TFR2: variants seen among roughly 807,000 people sequenced by gnomAD.
TFR2 encodes transferrin receptor protein 2.
In TFR2, 64 loss-of-function variants were observed where a neutral mutation model predicts 91.9. The observed-to-expected ratio is 0.70, with a 90% CI of 0.57 to 0.86. The LOEUF is 0.86. TFR2 is among the 40% of genes least tolerant of loss of function. The pLI is 0.00. For synonymous variants in TFR2, 454 were observed against 459.6 expected (o/e 0.99, Z 0.15); for missense variants, 950 against 1,080.5 (o/e 0.88, Z 1.69).
rs1803463396 is a variant in TFR2 at position 100,632,298 on chromosome 7, C to T, written c.850-100G>A. ...GGCAAGGCCTTTGCTTGCAACTGTC[C>T]ATCCCACGGAGAGGATGTGGGGGCA... On this transcript the variant is annotated intron_variant, in intron 6 of 17. Coordinates refer to ENST00000223051, the MANE Select transcript of TFR2 (RefSeq NM_003227.4). 3.6e-6 allele frequency: 4 copies of T among 1,101,650 alleles called. No individual in the cohort carries two copies. In the East Asian group the frequency reaches 7.1e-5, roughly 20 times the overall value. 68.2% of individuals were successfully genotyped at this position (1,101,650 alleles called of 1,614,324 possible). A position where few individuals can be genotyped will look rare whatever the true frequency, so the allele number is the denominator to read the frequency against.
At chr7:100,636,311 G>A (rs1803570973) in intron 3 of TFR2, among the ~76,000 whole-genome samples, 1 of 151,424 alleles carries the variant, frequency 6.6e-6, no homozygotes, top group Non-Finnish European at 1.5e-5. Flanking sequence ...GAGTAGCTGG[G>A]ATTACAGGCA....
chr7:100,632,371 C>T (rs939237747), intron 6 of TFR2, among the ~76,000 whole-genome samples, 173 bp from the exon 7 acceptor site: 1 of 152,130 alleles, frequency 6.6e-6, no homozygotes, highest in African/African-American at 2.4e-5. Flanking sequence ...AGGCAGCCCT[C>T]AAACCCCACC....
In TFR2 at chr7:100,628,283, G is replaced by A. The variant is rs1258387028; in HGVS notation, c.1414C>T (p.Leu472Phe). 3 of 1,613,790 alleles carry A rather than the reference G, an allele frequency of 1.9e-6. No individual in the cohort carries two copies. Among genetic ancestry groups the A allele is most frequent in the Admixed American group, 3.3e-5 (2 of 59,960 alleles). The change falls in exon 11 of 18, where the codon CTC becomes TTC. Residue 472 changes from leucine (L) to phenylalanine (F), a missense_variant. Transcript: ENST00000223051. ...SNGFRPRRSL[L>F]FISWDGGDFG... ...TCACCACCGTCCCAGCTGATGAAGA[G>A]GAGACTTCTGCGGGGCCGGAAGCCT... is the stretch of plus-strand genomic sequence containing the variant.
At chr7:100,627,031 G>A in intron 16 of TFR2, 128 bp from the exon 17 acceptor site, 1 of 1,408,122 alleles carries the variant, frequency 7.1e-7, no homozygotes, top group South Asian at 1.4e-5. Flanking sequence ...GGAGGAGGTA[G>A]ACGAGGACAG....
chr7:100,634,231 A>G (rs1350538166), intron 3 of TFR2, among the ~76,000 whole-genome samples: 2 of 136,954 alleles, frequency 1.5e-5, no homozygotes, highest in East Asian at 7.1e-4. Context: ...GCACCCAAAC[A>G]CTTTCCTTCG....
chr7:100,633,161 C>T (rs773009043), intron 5 of TFR2, 38 bp from the exon 6 acceptor site: 4 of 1,612,144 alleles, frequency 2.5e-6, no homozygotes, highest in Non-Finnish European at 3.4e-6. Context: ...CTCCCCGCGT[C>T]CCTCCTTCGA....
rs146530042 is a variant in TFR2 at position 100,628,237 on chromosome 7, G to A, written c.1460C>T (p.Thr487Met). Residue 487 changes from threonine (T) to methionine (M), a missense_variant, in exon 11 of 18, where the codon ACG becomes ATG. Physicochemically the swap from Thr to Met is moderately conservative, Grantham distance 81. Coordinates refer to ENST00000223051, the MANE Select transcript of TFR2 (RefSeq NM_003227.4). ...DGGDFGSVGS[T>M]EWLEGYLSVL... is the part of the protein sequence containing the mutation. ...ACCCCGTATCACCTCTAGCCACTCCGTGGAGCCCACGCTTCCAAAGTCACC... is the reference window on the plus strand; with the variant it reads ...ACCCCGTATCACCTCTAGCCACTCCATGGAGCCCACGCTTCCAAAGTCACC... 4.5e-5 allele frequency: 71 copies of A among 1,581,912 alleles called. No homozygotes were observed. The African/African-American group carries it at 8.3e-4, about 19-fold the overall frequency.
intron 6 of TFR2, 115 bp downstream of exon 6, chr7:100,632,886 T>C (rs1584460403): frequency 6.4e-7 from 1 of 1,569,010 alleles, no homozygotes; most frequent in Non-Finnish European, 8.8e-7. Flanking sequence ...TTTCTTACCA[T>C]CCAGCCACAT....
chr7:100,625,556 T>C (rs935606809), intron 17 of TFR2, among the ~76,000 whole-genome samples: 1 of 151,756 alleles, frequency 6.6e-6, no homozygotes, highest in African/African-American at 2.4e-5. Context: ...GAGGCAAAGG[T>C]TAAAGAAGAA....
At chr7:100,640,564 G>A in intron 3 of TFR2, 122 bp downstream of exon 3, 1 of 1,141,290 alleles carries the variant, frequency 8.8e-7, no homozygotes, top group Non-Finnish European at 1.2e-6. Flanking sequence ...CAGGAAGGCA[G>A]ATGGGAGGAC....
intron 10 of TFR2, among the ~76,000 whole-genome samples, chr7:100,629,028 G>T (rs1212368720): frequency 1.3e-5 from 2 of 152,208 alleles, no homozygotes; most frequent in African/African-American, 4.8e-5. Context: ...CTCCCAAAGT[G>T]CTGGGACTAC....
rs1158763486 is a variant in TFR2 at position 100,632,094 on chromosome 7, T to G, written c.954A>C (p.Ala318=). The change falls in exon 7 of 18, where the codon GCA becomes GCC. Residue 318 remains alanine, a synonymous_variant. Coordinates refer to ENST00000223051, the MANE Select transcript of TFR2 (RefSeq NM_003227.4). The stretch of plus-strand genomic sequence containing the variant: ...TCCCCAGACTCACATGTCCATACAC[T>G]GCCTGCTGGCTGGACAGGCTTGGCT... ...PPKPSLSSQQ[A]VYGHVHLGTG... 3.1e-6 allele frequency: 5 copies of G among 1,614,028 alleles called. No individual in the cohort carries two copies. The Admixed American group carries it at 8.3e-5, about 27-fold the overall frequency.
intron 17 of TFR2, among the ~76,000 whole-genome samples, chr7:100,623,890 A>G (rs1393624116): frequency 9.7e-6 from 1 of 103,306 alleles, no homozygotes; most frequent in Non-Finnish European, 2.3e-5. Context: ...TCTCTACCAA[A>G]AAAAAAAAAA....
chr7:100,631,003 C>A lies in TFR2; in HGVS notation c.1156G>T (p.Gly386Cys). 6.5e-7 allele frequency: 1 copy of A among 1,550,168 alleles called. No homozygotes were observed. Residue 386 changes from glycine to cysteine, a missense_variant, in exon 9 of 18, where the codon GGC (glycine) becomes TGC (cysteine). By Grantham distance (159) the Gly-to-Cys change is radical. Transcript: ENST00000223051. ...APQEWQGSLLGSPYHLGPGPR... is the reference protein window; with the variant it reads ...APQEWQGSLLCSPYHLGPGPR... ...CCGGGGCCCAGGTGATAAGGGGAGC[C>A]TAGGAGGCTCCCCTGCCATTCTTGG...
In TFR2 at chr7:100,626,820, G is replaced by T; in HGVS notation, c.2079C>A (p.Tyr693Ter). Residue 693 changes from tyrosine (Y) to a stop codon, truncating the protein, a stop_gained, in exon 17 of 18, where the codon TAC becomes TAA. Transcript: ENST00000223051. LOFTEE classifies it high-confidence loss of function. ...RAAEKLRQEI[Y>*]SSEERDERLT... Reference sequence around the variant, plus strand: ...GTCGCTCGTCTCTCTCCTCCGAGCTGTAGATCTCCTGCCGCAGCTTTTCCG... The same window carrying T: ...GTCGCTCGTCTCTCTCCTCCGAGCTTTAGATCTCCTGCCGCAGCTTTTCCG... The T allele has an allele frequency of 6.5e-7, 1 of 1,549,566 alleles. No homozygotes were observed. Among genetic ancestry groups the T allele is most frequent in the Non-Finnish European group, 8.7e-7 (1 of 1,146,946 alleles).
Position 100,633,133 on chromosome 7 carries a change from C to T in TFR2, c.727-10G>A. ...CGTACACCAGCTCTCCCTGGGGACA[C>T]GAGGACGGTGAGGCGCGCTCCCCGC... On this transcript the variant is annotated splice_polypyrimidine_tract_variant and intron_variant, in intron 5 of 17. Coordinates refer to ENST00000223051, the MANE Select transcript of TFR2 (RefSeq NM_003227.4). The T allele has an allele frequency of 6.2e-7, 1 of 1,613,292 alleles. No individual in the cohort carries two copies. Among genetic ancestry groups the T allele is most frequent in the African/African-American group, 1.3e-5 (1 of 75,042 alleles).
rs778784503 is a variant in TFR2, at chr7:100,641,188, C to T, written c.74G>A (p.Arg25His). Residue 25 changes from arginine (R) to histidine (H), a missense_variant, in exon 2 of 18, where the codon CGT becomes CAT. Coordinates refer to ENST00000223051, the MANE Select transcript of TFR2 (RefSeq NM_003227.4). ...GTGCCCTTTCCGGGGGCCTTCCACA[C>T]GCTGGTAGACGGTCTGAGAGGATCT... is the stretch of plus-strand genomic sequence containing the variant. ...SPRSSQTVYQ[R>H]VEGPRKGHLE... is the part of the protein sequence containing the mutation. 3.9e-5 allele frequency: 59 copies of T among 1,522,276 alleles called. No individual in the cohort carries two copies. Among genetic ancestry groups the T allele is most frequent in the South Asian group, 2.8e-4 (22 of 79,104 alleles). The allele number at this position is 1,522,276 out of a possible 1,614,324, so 94.3% of individuals were successfully genotyped here.
Position 100,632,797 on chromosome 7 carries a change from C to T in TFR2, c.849+204G>A, listed in dbSNP as rs10270804. ...GTTCTCACCGTGTTGCCTTGAATTC[C>T]TGGCCTCAAGCGATCCTCCTGTCTT... is the stretch of plus-strand genomic sequence containing the variant. On this transcript the variant is annotated intron_variant, in intron 6 of 17. Coordinates refer to ENST00000223051, the MANE Select transcript of TFR2 (RefSeq NM_003227.4). The T allele has an allele frequency of 2.3e-3, 1,370 of 594,432 alleles. 20 individuals are homozygous for T. In the African/African-American group the frequency reaches 0.024, roughly 11 times the overall value. The allele number at this position is 594,432 out of a possible 1,614,324, so 36.8% of individuals were successfully genotyped here. A position where few individuals can be genotyped will look rare whatever the true frequency, so the allele number is the denominator to read the frequency against.
intron 1 of TFR2, 58 bp downstream of exon 1, chr7:100,641,419 G>A: frequency 6.2e-7 from 1 of 1,608,336 alleles, no homozygotes; most frequent in Non-Finnish European, 8.5e-7. Context: ...GGCTTGGGAG[G>A]GGGCTGAGGG....
Sources: allele counts gnomAD v4.1 joint callset (sites outside exome capture counted in the v4.1 genomes callset), GRCh38; gene constraint gnomAD v4.1.1; transcripts MANE v1.5; gene names NCBI Gene and HGNC (gene_info 2026-07-23, HGNC 2026-07-21).